SRGAP3: variants seen among roughly 807,000 people sequenced by gnomAD.
SRGAP3 encodes SLIT-ROBO Rho GTPase-activating protein 3.
Under a neutral mutation model 121.1 loss-of-function variants are expected in SRGAP3, and 39 were observed. The ratio of observed to expected loss-of-function variants is 0.32; its 90% CI spans 0.25 to 0.42. The LOEUF (loss-of-function observed/expected upper bound fraction) is 0.42. Ranked by LOEUF, SRGAP3 falls within the 10% of genes least tolerant of loss-of-function variation. The pLI is 1.00. For missense variants in SRGAP3, 1,213 were observed against 1,470.6 expected (o/e 0.82, Z 2.86); for synonymous variants, 601 against 570.0 (o/e 1.05, Z -0.77).
rs1226429489 is a variant in SRGAP3, at chr3:9,118,871, G to C, written c.260+5854C>G. ...GGACCCGTGACAGGCACATGAGCGA[G>C]TGACACTTCACCCAGATGGCCTCAC... is the stretch of plus-strand genomic sequence containing the variant. On this transcript the variant is annotated intron_variant, in intron 2 of 21. Transcript: ENST00000383836. Among the ~76,000 whole-genome samples the C allele has an allele frequency of 2.0e-5, 3 of 152,244 alleles. No homozygotes were observed. The East Asian group carries it at 5.8e-4, about 29-fold the overall frequency.
intron 1 of SRGAP3, among the ~76,000 whole-genome samples, chr3:9,204,022 C>T (rs920278521): frequency 4.6e-5 from 7 of 152,160 alleles, no homozygotes; most frequent in Non-Finnish European, 8.8e-5. Context: ...GATATTACCG[C>T]TACAGTTTGA....
At chr3:9,126,684 T>C (rs1210126442) in intron 1 of SRGAP3, among the ~76,000 whole-genome samples, 1 of 152,130 alleles carries the variant, frequency 6.6e-6, no homozygotes, top group African/African-American at 2.4e-5. Context: ...AATGTTCATG[T>C]TACACATGTT....
chr3:8,994,224 G>C lies in SRGAP3; in HGVS notation c.2408+119C>G. On this transcript the variant is annotated intron_variant, in intron 19 of 21. Transcript: ENST00000383836. ...ATTACCCATTGTTAGAGAAGAACAA[G>C]CGTATGATATCAAGGAGAGCAAATT... 5 of 1,282,606 alleles carry C rather than the reference G, an allele frequency of 3.9e-6. No homozygotes were observed. The South Asian group carries it at 6.0e-5, about 15-fold the overall frequency. The allele number at this position is 1,282,606 out of a possible 1,614,324, so 79.5% of individuals were successfully genotyped here.
chr3:9,182,989 T>C (rs1231921270), intron 1 of SRGAP3, among the ~76,000 whole-genome samples: 2 of 151,996 alleles, frequency 1.3e-5, no homozygotes, highest in Non-Finnish European at 2.9e-5. Flanking sequence ...CAAAGTCCTT[T>C]TTGTTGTGTG....
intron 3 of SRGAP3, among the ~76,000 whole-genome samples, chr3:9,096,763 G>C (rs955258093): frequency 2.7e-5 from 4 of 150,836 alleles, no homozygotes; most frequent in Admixed American, 6.6e-5. Context: ...TCTTATTTCT[G>C]ATCCTTTGTT....
intron 2 of SRGAP3, among the ~76,000 whole-genome samples, chr3:9,329,219 A>C: frequency 6.6e-6 from 1 of 152,132 alleles, no homozygotes; most frequent in African/African-American, 2.4e-5. Flanking sequence ...AAAAACAGTG[A>C]TTTTTACCAT....
chr3:9,234,337 A>G (rs1574915756), intron 1 of SRGAP3, among the ~76,000 whole-genome samples: 1 of 152,320 alleles, frequency 6.6e-6, no homozygotes, highest in East Asian at 1.9e-4. Flanking sequence ...AGACATTGTG[A>G]CTGCCAACTC....
At chr3:9,348,483 G>A (rs575832138) in intron 1 of SRGAP3, 11 of 722,228 alleles carry the variant, frequency 1.5e-5, no homozygotes, top group Non-Finnish European at 2.8e-5. Context: ...CATGGCGAGA[G>A]CATGTGGAAT....
At chr3:9,229,606 G>A (rs1483313887) in intron 1 of SRGAP3, among the ~76,000 whole-genome samples, 1 of 152,182 alleles carries the variant, frequency 6.6e-6, no homozygotes, top group African/African-American at 2.4e-5. Context: ...AATCTCTTGG[G>A]GAGGGGCCAA....
At chr3:9,270,418 G>C (rs1227220901) in intron 3 of SRGAP3, among the ~76,000 whole-genome samples, 1 of 152,096 alleles carries the variant, frequency 6.6e-6, no homozygotes, top group Non-Finnish European at 1.5e-5. Context: ...TATGGGGGTG[G>C]AGATTGACCA....
chr3:9,265,765 C>T (rs1954348648), intron 3 of SRGAP3, among the ~76,000 whole-genome samples: 1 of 152,164 alleles, frequency 6.6e-6, no homozygotes, highest in Non-Finnish European at 1.5e-5. Flanking sequence ...CACTTTTACA[C>T]TGTTGGTGGG....
At chr3:9,044,319 G>A (rs2125130346) in intron 10 of SRGAP3, among the ~76,000 whole-genome samples, 1 of 152,230 alleles carries the variant, frequency 6.6e-6, no homozygotes, top group South Asian at 2.1e-4. Flanking sequence ...TTTTCAATCT[G>A]ATAACCAAGG....
rs184125728 is a variant in SRGAP3, at chr3:9,170,117, T to C, written c.68-45200A>G. ...CCCACAGGAAGCACAGATGAAATGA[T>C]AGAAGATTTGATCACTGCCGTTTAG... On this transcript the variant is annotated intron_variant, in intron 1 of 21. Transcript: ENST00000383836. Among the ~76,000 whole-genome samples the C allele has an allele frequency of 4.7e-4, 71 of 152,294 alleles. 1 individual carries two copies. The highest frequency in any genetic ancestry group is 1.2e-3 in the Admixed American group (18 of 15,300).
intron 3 of SRGAP3, among the ~76,000 whole-genome samples, chr3:9,081,104 T>G (rs1277997661): frequency 6.6e-6 from 1 of 152,202 alleles, no homozygotes; most frequent in Non-Finnish European, 1.5e-5. Flanking sequence ...TTGTCTTCCT[T>G]GACTGAGAAT....
At chr3:9,139,222 G>T (rs1362762618) in intron 1 of SRGAP3, among the ~76,000 whole-genome samples, 1 of 152,184 alleles carries the variant, frequency 6.6e-6, no homozygotes, top group Admixed American at 6.5e-5. Context: ...ATGAAATGTT[G>T]TATGTGTTAG....
At chr3:9,306,557 T>G (rs1224333388) in intron 3 of SRGAP3, among the ~76,000 whole-genome samples, 1 of 152,234 alleles carries the variant, frequency 6.6e-6, no homozygotes, top group African/African-American at 2.4e-5. Context: ...GGTATAACAT[T>G]TAAGTCTTTA....
intron 1 of SRGAP3, among the ~76,000 whole-genome samples, chr3:9,180,149 C>T (rs1951328466): frequency 1.3e-5 from 2 of 152,222 alleles, no homozygotes; most frequent in Admixed American, 6.5e-5. Flanking sequence ...TCACAGCTGC[C>T]AAGAGAGGTG....
intron 1 of SRGAP3, among the ~76,000 whole-genome samples, chr3:9,342,722 G>A (rs961757208): frequency 3.7e-4 from 56 of 152,218 alleles, no homozygotes; most frequent in Admixed American, 3.5e-3. Flanking sequence ...AGACTCTTGA[G>A]GGCTTTCCCT....
chr3:9,340,420 CT>C (rs2125289741), intron 1 of SRGAP3, among the ~76,000 whole-genome samples: 1 of 152,310 alleles, frequency 6.6e-6, no homozygotes, highest in East Asian at 1.9e-4. Flanking sequence ...CTCCAATAGA[CT>C]ACTAGAATGG....
Sources: gnomAD v4.1 joint callset for allele counts (sites outside exome capture counted in the v4.1 genomes callset) on GRCh38, gnomAD v4.1.1 for gene constraint, MANE v1.5 for transcripts, NCBI Gene and HGNC (gene_info 2026-07-23, HGNC 2026-07-21) for gene names.